Variants in IL15RA observed in about 807,000 individuals in gnomAD.
IL15RA encodes interleukin 15 receptor subunit alpha.
Under a neutral mutation model 24.2 loss-of-function variants are expected in IL15RA, and 26 were observed. The ratio of observed to expected loss-of-function variants is 1.07; its 90% CI spans 0.79 to 1.49. The LOEUF (loss-of-function observed/expected upper bound fraction) is 1.49, where lower values mean the gene tolerates loss of function less well. IL15RA is among the 40% of genes most tolerant of loss of function. The pLI is 0.00. For synonymous variants in IL15RA, 166 were observed against 157.6 expected, an observed-to-expected ratio of 1.05 and a Z score of -0.40; for missense variants, 354 against 356.4, an observed-to-expected ratio of 0.99 and a Z score of 0.05.
In IL15RA at chr10:5,968,863, C is replaced by A; in HGVS notation, c.89-2524G>T. 1 of 1,101,256 alleles carries A rather than the reference C, an allele frequency of 9.1e-7. No homozygotes were observed. The highest frequency in any genetic ancestry group is 2.6e-5 in the East Asian group (1 of 39,008). 68.2% of individuals were successfully genotyped at this position (1,101,256 alleles called of 1,614,324 possible). A position where few individuals can be genotyped will look rare whatever the true frequency, so the allele number is the denominator to read the frequency against. ...CTCACGCAGGCCTCGTGTGTCTGGA[C>A]CTCATGGTTGAAGCTTTCAGATATT... On this transcript the variant is annotated intron_variant, in intron 1 of 6. Coordinates refer to ENST00000379977, the MANE Select transcript of IL15RA (RefSeq NM_002189.4). This position sits in a 1 kb window ranked among gnomAD's most constrained non-coding sequence, Gnocchi z 5.4.
chr10:5,960,554 T>C lies in IL15RA; in HGVS notation c.396A>G (p.Ser132=), dbSNP rs1835330047. Residue 132 remains serine, a synonymous_variant, in exon 4 of 7, where the codon TCA becomes TCG. Transcript: ENST00000379977. This position sits in a 1 kb window ranked among gnomAD's most constrained non-coding sequence, Gnocchi z 5.1. ...CCGCTGTGTTGTTTGAGCTGGGAGA[T>C]GAAGCTGCGGGCTCTGTAGGAGAGT... ...LSPSGKEPAA[S]SPSSNNTAAT... The C allele has an allele frequency of 6.2e-7, 1 of 1,613,810 alleles. No homozygotes were observed. Among genetic ancestry groups the C allele is most frequent in the South Asian group, 1.1e-5 (1 of 91,072 alleles).
rs1029298404 is a variant in IL15RA at position 5,967,405 on chromosome 10, A to T, written c.89-1066T>A. Among the ~76,000 whole-genome samples the T allele has an allele frequency of 2.0e-5, 3 of 151,896 alleles. No individual in the cohort carries two copies. The highest frequency in any genetic ancestry group is 4.4e-5 in the Non-Finnish European group (3 of 67,956). On this transcript the variant is annotated intron_variant, in intron 1 of 6. Transcript: ENST00000379977. This position sits in a 1 kb window ranked among gnomAD's most constrained non-coding sequence, Gnocchi z 4.4. ...TTTTTAGTAGAGACAGGGTTTCACC[A>T]TTTTGGCCAGGATGGCCTTGATCTC... is the stretch of plus-strand genomic sequence containing the variant.
Position 5,962,712 on chromosome 10 carries a change from C to T in IL15RA, c.382+1031G>A, listed in dbSNP as rs1385138864. On this transcript the variant is annotated intron_variant, in intron 3 of 6. Coordinates refer to ENST00000379977, the MANE Select transcript of IL15RA (RefSeq NM_002189.4). This position sits in a 1 kb window ranked among gnomAD's most constrained non-coding sequence, Gnocchi z 5.2. ...TACCCACGGCTGACAACTGACACTC[C>T]GCAAAGGATGGCTGAGTCCTGTAGT... Among the ~76,000 whole-genome samples the T allele has an allele frequency of 3.9e-5, 6 of 152,098 alleles. No individual in the cohort carries two copies. Among genetic ancestry groups the T allele is most frequent in the African/African-American group, 1.4e-4 (6 of 41,416 alleles).
At chr10:5,949,079 T>C (rs2132200801), downstream of IL15RA, 1 of 369,498 alleles carries the variant, frequency 2.7e-6, no homozygotes, top group South Asian at 2.0e-5. This position sits in a 1 kb window ranked among gnomAD's most constrained non-coding sequence, Gnocchi z 4.4. Context: ...GCTTAGCATC[T>C]CCTCCACCTT....
rs2132483059 is a variant in IL15RA, at chr10:5,964,529, CAG to C, written c.284-690_284-689del. On this transcript the variant is annotated intron_variant, in intron 2 of 6. Coordinates refer to ENST00000379977, the MANE Select transcript of IL15RA (RefSeq NM_002189.4). The surrounding 1 kb of genome is among the most constrained non-coding windows in gnomAD (Gnocchi z 5.6). The stretch of plus-strand genomic sequence containing the variant: ...AAGCACAAGAGTTTGGGAAGCATAA[CAG>C]AGGGAGTTGTGAGTGATCAGAACGT... Among the ~76,000 whole-genome samples, 1 of 152,220 alleles carries C rather than the reference CAG, an allele frequency of 6.6e-6. No homozygotes were observed. Among genetic ancestry groups the C allele is most frequent in the Non-Finnish European group, 1.5e-5 (1 of 68,014 alleles).
At chr10:5,977,569 T>C, upstream of IL15RA, 1 of 1,261,880 alleles carries the variant, frequency 7.9e-7, no homozygotes, top group Non-Finnish European at 1.0e-6. Flanking sequence ...CGAGCGCTGC[T>C]CTGGGACCTG....
In IL15RA at chr10:5,964,300, A is replaced by G. The variant is rs1344078567; in HGVS notation, c.284-459T>C. 6.6e-6 allele frequency among the ~76,000 whole-genome samples: 1 copy of G among 152,026 alleles called. No homozygotes were observed. Among genetic ancestry groups the G allele is most frequent in the East Asian group, 1.9e-4 (1 of 5,178 alleles). ...CAGTCTCCTGAGTAGCTGGGACTACATGTACGTGCCTCAATGCCCAGGTAA... is the reference window on the plus strand; with the variant it reads ...CAGTCTCCTGAGTAGCTGGGACTACGTGTACGTGCCTCAATGCCCAGGTAA... On this transcript the variant is annotated intron_variant, in intron 2 of 6. Transcript: ENST00000379977. The surrounding 1 kb of genome is among the most constrained non-coding windows in gnomAD (Gnocchi z 5.6).
rs1403500224 is a variant in IL15RA at position 5,964,290 on chromosome 10, C to G, written c.284-449G>C. The stretch of plus-strand genomic sequence containing the variant: ...CCTCCTGCCTCAGTCTCCTGAGTAG[C>G]TGGGACTACATGTACGTGCCTCAAT... On this transcript the variant is annotated intron_variant, in intron 2 of 6. Coordinates refer to ENST00000379977, the MANE Select transcript of IL15RA (RefSeq NM_002189.4). This position sits in a 1 kb window ranked among gnomAD's most constrained non-coding sequence, Gnocchi z 5.6. 6.6e-6 allele frequency among the ~76,000 whole-genome samples: 1 copy of G among 152,090 alleles called. No individual in the cohort carries two copies. The highest frequency in any genetic ancestry group is 1.9e-4 in the East Asian group (1 of 5,190).
Position 5,971,416 on chromosome 10 carries a change from T to TCACA in IL15RA, c.89-5081_89-5078dup, listed in dbSNP as rs2132647808. The stretch of plus-strand genomic sequence containing the variant: ...CTTTCTGTTTCCCAGAACCTGTGAA[T>TCACA]CACACTTCCTTATCTATCAGGTTGG... On this transcript the variant is annotated intron_variant, in intron 1 of 6. Coordinates refer to ENST00000379977, the MANE Select transcript of IL15RA (RefSeq NM_002189.4). The surrounding 1 kb of genome is among the most constrained non-coding windows in gnomAD (Gnocchi z 5.5). Among the ~76,000 whole-genome samples, 1 of 152,332 alleles carries TCACA rather than the reference T, an allele frequency of 6.6e-6. No individual in the cohort carries two copies. Among genetic ancestry groups the TCACA allele is most frequent in the South Asian group, 2.1e-4 (1 of 4,826 alleles).
Position 5,952,962 on chromosome 10 carries a change from C to T in IL15RA, c.*133G>A. On this transcript the variant is annotated 3_prime_UTR_variant, in exon 7 of 7. Transcript: ENST00000379977. Reference sequence around the variant, plus strand: ...GCGCCGACCCGGCAGTCCGTGAGATCCTGCTGGGACTTCTGAGAGGCCTGG... The same window carrying T: ...GCGCCGACCCGGCAGTCCGTGAGATTCTGCTGGGACTTCTGAGAGGCCTGG... The T allele has an allele frequency of 1.4e-6, 1 of 706,356 alleles. No homozygotes were observed. 43.8% of individuals were successfully genotyped at this position (706,356 alleles called of 1,614,324 possible).
rs1382322198 is a variant in IL15RA at position 5,973,892 on chromosome 10, C to G, written c.88+3513G>C. On this transcript the variant is annotated intron_variant, in intron 1 of 6. Coordinates refer to ENST00000379977, the MANE Select transcript of IL15RA (RefSeq NM_002189.4). The surrounding 1 kb of genome is among the most constrained non-coding windows in gnomAD (Gnocchi z 4.5). ...TAAGAGAAAGGATAAGCCACAGAAT[C>G]TGAGAAAATATTTGCAAATCATATA... Among the ~76,000 whole-genome samples the G allele has an allele frequency of 6.6e-6, 1 of 152,030 alleles. No individual in the cohort carries two copies.
chr10:5,949,347 G>A, downstream of IL15RA: 1 of 471,068 alleles, frequency 2.1e-6, no homozygotes, highest in South Asian at 1.5e-5. This position sits in a 1 kb window ranked among gnomAD's most constrained non-coding sequence, Gnocchi z 4.4. Flanking sequence ...AGTCACTTAG[G>A]GAAGTAAAGT....
rs1442104587 is a variant in IL15RA, at chr10:5,973,873, A to G, written c.88+3532T>C. Among the ~76,000 whole-genome samples the G allele has an allele frequency of 1.3e-5, 2 of 152,232 alleles. No homozygotes were observed. Among genetic ancestry groups the G allele is most frequent in the Non-Finnish European group, 2.9e-5 (2 of 68,044 alleles). ...GCTTTTCAAAAGACACTGCTAAGAG[A>G]AAGGATAAGCCACAGAATCTGAGAA... On this transcript the variant is annotated intron_variant, in intron 1 of 6. Coordinates refer to ENST00000379977, the MANE Select transcript of IL15RA (RefSeq NM_002189.4). The surrounding 1 kb of genome is among the most constrained non-coding windows in gnomAD (Gnocchi z 4.5).
At chr10:5,949,003 A>G (rs958806982), downstream of IL15RA, 3 of 327,288 alleles carry the variant, frequency 9.2e-6, no homozygotes, top group Non-Finnish European at 1.9e-5. The surrounding 1 kb of genome is among the most constrained non-coding windows in gnomAD (Gnocchi z 4.4). Context: ...AAATGCATAT[A>G]TATGTAAAAT....
chr10:5,961,509 G>A lies in IL15RA; in HGVS notation c.383-942C>T, dbSNP rs932288831. On this transcript the variant is annotated intron_variant, in intron 3 of 6. Transcript: ENST00000379977. The surrounding 1 kb of genome is among the most constrained non-coding windows in gnomAD (Gnocchi z 5.2). Reference sequence around the variant, plus strand: ...CCCAACGCTGGAGGCTCAGCTGAGAGCAGGTGAAGCTGCGCTGGCCGAGGA... The same window carrying A: ...CCCAACGCTGGAGGCTCAGCTGAGAACAGGTGAAGCTGCGCTGGCCGAGGA... Among the ~76,000 whole-genome samples the A allele has an allele frequency of 3.9e-5, 6 of 152,248 alleles. No individual in the cohort carries two copies. Among genetic ancestry groups the A allele is most frequent in the Admixed American group, 1.3e-4 (2 of 15,290 alleles).
chr10:5,957,140 C>A (rs1834656665), intron 5 of IL15RA, among the ~76,000 whole-genome samples: 1 of 149,180 alleles, frequency 6.7e-6, no homozygotes, highest in African/African-American at 2.5e-5. Context: ...TTTGTATTTT[C>A]AGTAGAGACG....
In IL15RA at chr10:5,962,707, C is replaced by T. The variant is rs559178169; in HGVS notation, c.382+1036G>A. 1.3e-5 allele frequency among the ~76,000 whole-genome samples: 2 copies of T among 152,096 alleles called. No homozygotes were observed. Among genetic ancestry groups the T allele is most frequent in the African/African-American group, 4.8e-5 (2 of 41,482 alleles). On this transcript the variant is annotated intron_variant, in intron 3 of 6. Coordinates refer to ENST00000379977, the MANE Select transcript of IL15RA (RefSeq NM_002189.4). The surrounding 1 kb of genome is among the most constrained non-coding windows in gnomAD (Gnocchi z 5.2). ...GTGTGTACCCACGGCTGACAACTGA[C>T]ACTCCGCAAAGGATGGCTGAGTCCT...
Position 5,966,017 on chromosome 10 carries a change from G to A in IL15RA, c.283+128C>T, listed in dbSNP as rs1300647072. ...ATTACAGGTGTGAGCCACCGTGCCCGGCCCCCACTGGTGTGTTTAGCCTCA... is the reference window on the plus strand; with the variant it reads ...ATTACAGGTGTGAGCCACCGTGCCCAGCCCCCACTGGTGTGTTTAGCCTCA... On this transcript the variant is annotated intron_variant, in intron 2 of 6. Coordinates refer to ENST00000379977, the MANE Select transcript of IL15RA (RefSeq NM_002189.4). This position sits in a 1 kb window ranked among gnomAD's most constrained non-coding sequence, Gnocchi z 6.4. 2.8e-5 allele frequency: 17 copies of A among 607,344 alleles called. No homozygotes were observed. Among genetic ancestry groups the A allele is most frequent in the East Asian group, 1.1e-4 (4 of 35,506 alleles). The allele number at this position is 607,344 out of a possible 1,614,324, so 37.6% of individuals were successfully genotyped here. A position where few individuals can be genotyped will look rare whatever the true frequency, so the allele number is the denominator to read the frequency against.
intron 1 of IL15RA, among the ~76,000 whole-genome samples, chr10:5,969,732 A>G (rs1365714685): frequency 6.6e-6 from 1 of 152,240 alleles, no homozygotes; most frequent in Non-Finnish European, 1.5e-5. Flanking sequence ...ATTGGAATTC[A>G]TTAAATTTAA....
Sources: allele counts gnomAD v4.1 joint callset (sites outside exome capture counted in the v4.1 genomes callset), GRCh38; gene constraint gnomAD v4.1.1; non-coding constraint Gnocchi (gnomAD v3.1); transcripts MANE v1.5; gene names NCBI Gene and HGNC (gene_info 2026-07-23, HGNC 2026-07-21).